PCDHA4: variants seen among roughly 807,000 people sequenced by gnomAD.
PCDHA4 encodes the protein protocadherin alpha-4.
In PCDHA4, 49 loss-of-function variants were observed where a neutral mutation model predicts 61.4. That is an observed-to-expected ratio of 0.80 (90% confidence interval 0.63 to 1.01). The LOEUF (loss-of-function observed/expected upper bound fraction) is 1.01. Among genes scored for constraint, PCDHA4 ranks in the 50% least tolerant of loss-of-function variants. The probability of loss-of-function intolerance (pLI) is 0.00; values close to 1 mark genes in which losing one functional copy is unlikely to be tolerated. For synonymous variants in PCDHA4, 590 were observed against 550.3 expected (o/e 1.07, Z -1.01); for missense variants, 1,254 against 1,235.8 (o/e 1.01, Z -0.22).
intron 1 of PCDHA4, among the ~76,000 whole-genome samples, chr5:140,934,122 TATTA>T (rs2153618298): frequency 6.6e-6 from 1 of 152,300 alleles, no homozygotes; most frequent in East Asian, 1.9e-4. Flanking sequence ...TTTCATACTT[TATTA>T]ATTTATTTCC....
chr5:140,917,249 G>A (rs1439724525), intron 1 of PCDHA4, among the ~76,000 whole-genome samples: 1 of 149,466 alleles, frequency 6.7e-6, no homozygotes, highest in African/African-American at 2.5e-5. Flanking sequence ...TACTACGATT[G>A]CTCACCTGAT....
At chr5:140,875,580 C>T (rs1381718234) in intron 1 of PCDHA4, 2 of 1,614,076 alleles carry the variant, frequency 1.2e-6, no homozygotes, top group East Asian at 2.2e-5. Flanking sequence ...ACTCCGTCTA[C>T]GAGGAGGCCA....
At chr5:140,931,235 C>T (rs1563126725) in intron 1 of PCDHA4, among the ~76,000 whole-genome samples, 1 of 152,116 alleles carries the variant, frequency 6.6e-6, no homozygotes, top group Non-Finnish European at 1.5e-5. Flanking sequence ...AATATGTGAA[C>T]ACTTTTCCTA....
chr5:140,917,853 G>A (rs1187603480), intron 1 of PCDHA4, among the ~76,000 whole-genome samples: 1 of 151,906 alleles, frequency 6.6e-6, no homozygotes, highest in African/African-American at 2.4e-5. Flanking sequence ...TTTTTGCTTA[G>A]GATTGCTTTG....
At chr5:140,837,881 G>A (rs1360398902) in intron 1 of PCDHA4, among the ~76,000 whole-genome samples, 1 of 151,490 alleles carries the variant, frequency 6.6e-6, no homozygotes, top group Admixed American at 6.6e-5. Context: ...GTGGAGTCTT[G>A]TTTCCCAGGC....
At chr5:140,829,189 T>C in intron 1 of PCDHA4, 1 of 1,614,208 alleles carries the variant, frequency 6.2e-7, no homozygotes, top group Non-Finnish European at 8.5e-7. Context: ...CTCAATTTGG[T>C]ACTGTCATCG....
chr5:140,851,254 A>G (rs2150271165), intron 1 of PCDHA4: 1 of 1,091,684 alleles, frequency 9.2e-7, no homozygotes, highest in East Asian at 4.0e-5. Context: ...GATGCATAGT[A>G]TTTTAGTCTA....
intron 3 of PCDHA4, among the ~76,000 whole-genome samples, chr5:140,985,672 G>A (rs1195009915): frequency 6.6e-6 from 1 of 151,738 alleles, no homozygotes. Flanking sequence ...AGGAAGTGGG[G>A]CCTGCCTTAC....
intron 1 of PCDHA4, chr5:140,968,917 T>G: frequency 6.2e-7 from 1 of 1,614,216 alleles, no homozygotes; most frequent in Non-Finnish European, 8.5e-7. Flanking sequence ...CAGTGTCTTT[T>G]ATATTTCTTT....
At chr5:140,821,662 C>A in intron 1 of PCDHA4, 2 of 1,220,782 alleles carry the variant, frequency 1.6e-6, no homozygotes, top group Non-Finnish European at 2.3e-6. Context: ...TTGGCTGTGC[C>A]AAGAAGCTCA....
chr5:140,909,462 C>T (rs2074519059), intron 1 of PCDHA4, among the ~76,000 whole-genome samples: 1 of 152,212 alleles, frequency 6.6e-6, no homozygotes, highest in Non-Finnish European at 1.5e-5. Flanking sequence ...ATCCATCTGT[C>T]TTCTTCACAG....
chr5:140,821,763 G>T (rs1166758785), intron 1 of PCDHA4: 26 of 1,591,652 alleles, frequency 1.6e-5, no homozygotes, highest in Non-Finnish European at 2.2e-5. Context: ...CTCATAATTG[G>T]AACGAGATTG....
At chr5:140,843,104 C>T in intron 1 of PCDHA4, 1 of 1,595,712 alleles carries the variant, frequency 6.3e-7, no homozygotes, top group African/African-American at 1.3e-5. Context: ...AGCGAAGGTG[C>T]GCGCAGTGGA....
chr5:140,900,342 A>T (rs965236795), intron 1 of PCDHA4, among the ~76,000 whole-genome samples: 3 of 152,034 alleles, frequency 2.0e-5, no homozygotes, highest in South Asian at 2.1e-4. Context: ...CCGTGGCGCA[A>T]TCTTGGCTCA....
At chr5:140,867,469 T>C (rs895909736) in intron 1 of PCDHA4, 2 of 152,068 alleles carry the variant, frequency 1.3e-5, no homozygotes, top group Non-Finnish European at 2.9e-5. Context: ...TATGACAACA[T>C]TGGGAAAAGA....
intron 1 of PCDHA4, chr5:140,883,531 T>G: frequency 6.2e-7 from 1 of 1,614,210 alleles, no homozygotes; most frequent in Non-Finnish European, 8.5e-7. Flanking sequence ...TATCAGCCTA[T>G]GAACTGGTGG....
intron 1 of PCDHA4, chr5:140,859,970 T>C (rs894279399): frequency 6.6e-6 from 1 of 152,018 alleles, no homozygotes; most frequent in Non-Finnish European, 1.5e-5. Context: ...GTCTCAGGTA[T>C]ACAAGTGCAT....
chr5:140,874,141 T>C (rs1554167053), intron 1 of PCDHA4, among the ~76,000 whole-genome samples: 1 of 152,248 alleles, frequency 6.6e-6, no homozygotes, highest in South Asian at 2.1e-4. Context: ...TATCTTATAC[T>C]TGTAGAGCCA....
At position 140,857,921 on chromosome 5, in the gene PCDHA4, C is replaced by A. The variant is rs1554150855; in HGVS notation, c.2385+48349C>A. On this transcript the variant is annotated intron_variant, in intron 1 of 3. Coordinates refer to ENST00000530339, the MANE Select transcript of PCDHA4 (RefSeq NM_018907.4). ...TGCACGCATCCCGTTTCGCGTGGGG[C>A]TGTACACGGGCGAGATCAGTACGAC... 4 of 1,597,628 alleles carry A rather than the reference C, an allele frequency of 2.5e-6. No homozygotes were observed. The Admixed American group carries it at 6.7e-5, about 27-fold the overall frequency.
Sources: allele counts gnomAD v4.1 joint callset (sites outside exome capture counted in the v4.1 genomes callset), GRCh38; gene constraint gnomAD v4.1.1; transcripts MANE v1.5; gene names NCBI Gene and HGNC (gene_info 2026-07-23, HGNC 2026-07-21).